PIK3CG: variants seen among roughly 807,000 people sequenced by gnomAD.
The protein encoded by PIK3CG is phosphatidylinositol 4,5-bisphosphate 3-kinase catalytic subunit gamma isoform.
In PIK3CG, 55 loss-of-function variants were observed where a neutral mutation model predicts 102.3. That is an observed-to-expected ratio of 0.54 (90% CI 0.43 to 0.67). The LOEUF (loss-of-function observed/expected upper bound fraction) is 0.67, where lower values mean the gene tolerates loss of function less well. Among genes scored for constraint, PIK3CG ranks in the 30% least tolerant of loss-of-function variants. The probability of loss-of-function intolerance (pLI) is 0.00; values close to 1 mark genes in which losing one functional copy is unlikely to be tolerated. For synonymous variants in PIK3CG, 552 were observed against 540.0 expected (o/e 1.02, Z -0.31); for missense variants, 1,258 against 1,391.8 (o/e 0.90, Z 1.53).
Position 106,877,813 on chromosome 7 carries a change from A to G in PIK3CG, c.2392-1706A>G, listed in dbSNP as rs915681275. On this transcript the variant is annotated intron_variant, in intron 5 of 10. Transcript: ENST00000496166. The surrounding 1 kb of genome is among the most constrained non-coding windows in gnomAD (Gnocchi z 4.5). ...CAAAGCACTTCATATACGTGTGCTTATACAGGCAACAGTATACTTCCATTA... is the reference window on the plus strand; with the variant it reads ...CAAAGCACTTCATATACGTGTGCTTGTACAGGCAACAGTATACTTCCATTA... Among the ~76,000 whole-genome samples, 7 of 152,228 alleles carry G rather than the reference A, an allele frequency of 4.6e-5. No homozygotes were observed. The highest frequency in any genetic ancestry group is 1.7e-4 in the African/African-American group (7 of 41,442).
intron 10 of PIK3CG, among the ~76,000 whole-genome samples, chr7:106,898,641 T>C (rs1309985164): frequency 6.6e-6 from 1 of 152,216 alleles, no homozygotes; most frequent in East Asian, 1.9e-4. Flanking sequence ...AGGGAGTCTT[T>C]TCCTTGTTGC....
rs902522717 is a variant in PIK3CG, at chr7:106,892,947, G to C, written c.3030+6655G>C. 6.6e-6 allele frequency among the ~76,000 whole-genome samples: 1 copy of C among 152,190 alleles called. No homozygotes were observed. Among genetic ancestry groups the C allele is most frequent in the Non-Finnish European group, 1.5e-5 (1 of 68,024 alleles). ...GAAGTATATTTACCTGGTATGGATAGAAAGTGGTATTTCTGGAAGTGTGTA... is the reference window on the plus strand; with the variant it reads ...GAAGTATATTTACCTGGTATGGATACAAAGTGGTATTTCTGGAAGTGTGTA... On this transcript the variant is annotated intron_variant, in intron 10 of 10. Coordinates refer to ENST00000496166, the MANE Select transcript of PIK3CG (RefSeq NM_001282426.2). This position sits in a 1 kb window ranked among gnomAD's most constrained non-coding sequence, Gnocchi z 5.2.
In PIK3CG at chr7:106,880,669, T is replaced by G. The variant is rs1309836215; in HGVS notation, c.2538+1004T>G. ...GTTTGCCTTTGCCCTTTATGTACTT[T>G]GTGGTTTTGTTTTTTTTTAATTTTT... On this transcript the variant is annotated intron_variant, in intron 6 of 10. Coordinates refer to ENST00000496166, the MANE Select transcript of PIK3CG (RefSeq NM_001282426.2). This position sits in a 1 kb window ranked among gnomAD's most constrained non-coding sequence, Gnocchi z 4.2. 1.3e-5 allele frequency among the ~76,000 whole-genome samples: 2 copies of G among 152,138 alleles called. No individual in the cohort carries two copies. Among genetic ancestry groups the G allele is most frequent in the African/African-American group, 2.4e-5 (1 of 41,436 alleles).
chr7:106,878,996 T>C (rs1407349417), intron 5 of PIK3CG, among the ~76,000 whole-genome samples: 2 of 152,316 alleles, frequency 1.3e-5, no homozygotes, highest in Non-Finnish European at 2.9e-5. Context: ...TTTAGATGTA[T>C]GAGGTTTAGG....
rs982728446 is a variant in PIK3CG, at chr7:106,895,465, G to T, written c.3030+9173G>T. ...CTGGGACTGAGCGGGCAGGGCAGGT[G>T]CTCGGCTGTGCCCCCCAGGGTGAGA... On this transcript the variant is annotated intron_variant, in intron 10 of 10. Coordinates refer to ENST00000496166, the MANE Select transcript of PIK3CG (RefSeq NM_001282426.2). The surrounding 1 kb of genome is among the most constrained non-coding windows in gnomAD (Gnocchi z 5.4). 2.6e-5 allele frequency among the ~76,000 whole-genome samples: 4 copies of T among 152,216 alleles called. No homozygotes were observed. Among genetic ancestry groups the T allele is most frequent in the African/African-American group, 9.6e-5 (4 of 41,464 alleles).
At chr7:106,889,291 C>T (rs1309617571) in intron 10 of PIK3CG, among the ~76,000 whole-genome samples, 1 of 152,196 alleles carries the variant, frequency 6.6e-6, no homozygotes, top group Non-Finnish European at 1.5e-5. Context: ...CCAAAGTTTA[C>T]AGCATGACAA....
At chr7:106,885,972 C>T (rs1419281544) in intron 9 of PIK3CG, among the ~76,000 whole-genome samples, 163 bp from the exon 10 acceptor site, 12 of 152,116 alleles carry the variant, frequency 7.9e-5, no homozygotes, top group Non-Finnish European at 2.9e-5. Flanking sequence ...TTTGTGGCTA[C>T]GACTTTCACA....
At position 106,867,169 on chromosome 7, in the gene PIK3CG, C is replaced by T. The variant is rs1790314977; in HGVS notation, c.-12-381C>T. 6.6e-6 allele frequency among the ~76,000 whole-genome samples: 1 copy of T among 152,136 alleles called. No individual in the cohort carries two copies. Among genetic ancestry groups the T allele is most frequent in the East Asian group, 1.9e-4 (1 of 5,194 alleles). ...CTGTGCTGGATGAGTGTTTTACCTA[C>T]CTCTTTAAAATTTTCAAAGTATACA... is the stretch of plus-strand genomic sequence containing the variant. On this transcript the variant is annotated intron_variant, in intron 1 of 10. Transcript: ENST00000496166. This position sits in a 1 kb window ranked among gnomAD's most constrained non-coding sequence, Gnocchi z 5.1.
rs1790532215 is a variant in PIK3CG at position 106,871,635 on chromosome 7, CTAACTT to C, written c.1996-899_1996-894del. 6.0e-5 allele frequency among the ~76,000 whole-genome samples: 9 copies of C among 149,198 alleles called. No individual in the cohort carries two copies. The South Asian group carries it at 2.0e-3, about 32-fold the overall frequency. ...CATGTTTACATATAACATCTATCCT[CTAACTT>C]TATATATGCTTTTATAATAATCTGA... is the stretch of plus-strand genomic sequence containing the variant. On this transcript the variant is annotated intron_variant, in intron 2 of 10. Transcript: ENST00000496166.
chr7:106,876,458 C>T (rs1467299127), intron 5 of PIK3CG, among the ~76,000 whole-genome samples: 2 of 150,090 alleles, frequency 1.3e-5, no homozygotes, highest in African/African-American at 4.9e-5. Flanking sequence ...GAGGCACGAT[C>T]TCGGCTCACT....
At chr7:106,882,936 AAC>A in intron 7 of PIK3CG, 95 bp from the exon 8 acceptor site, 3 of 970,858 alleles carry the variant, frequency 3.1e-6, no homozygotes, top group South Asian at 2.0e-5. Flanking sequence ...AAAAAAAAAA[AAC>A]CCTCTGCCCT....
In PIK3CG at chr7:106,867,716, A is replaced by G. The variant is rs559302651; in HGVS notation, c.155A>G (p.Lys52Arg). 21 of 1,613,170 alleles carry G rather than the reference A, an allele frequency of 1.3e-5. No homozygotes were observed. The South Asian group carries it at 2.3e-4, about 18-fold the overall frequency. Residue 52 changes from lysine to arginine, a missense_variant, in exon 2 of 11, where the codon AAG (lysine) becomes AGG (arginine). Coordinates refer to ENST00000496166, the MANE Select transcript of PIK3CG (RefSeq NM_001282426.2). This position sits in a 1 kb window ranked among gnomAD's most constrained non-coding sequence, Gnocchi z 5.1. The part of the protein sequence containing the change: ...FVLPTSQRKC[K>R]SPETALLHVA... ...CTGCCCACCAGCCAGCGCAAATGCA[A>G]GAGCCCCGAAACGGCGCTGCTGCAC...
Position 106,897,750 on chromosome 7 carries a change from A to G in PIK3CG, c.3031-7359A>G, listed in dbSNP as rs923885632. On this transcript the variant is annotated intron_variant, in intron 10 of 10. Coordinates refer to ENST00000496166, the MANE Select transcript of PIK3CG (RefSeq NM_001282426.2). The surrounding 1 kb of genome is among the most constrained non-coding windows in gnomAD (Gnocchi z 4.6). ...GGCTGCATAGTATTCCATGGTGTATATGTACCACATTTTCTTTAATCAGCC... is the reference window on the plus strand; with the variant it reads ...GGCTGCATAGTATTCCATGGTGTATGTGTACCACATTTTCTTTAATCAGCC... Among the ~76,000 whole-genome samples, 1 of 152,190 alleles carries G rather than the reference A, an allele frequency of 6.6e-6. No individual in the cohort carries two copies. The highest frequency in any genetic ancestry group is 2.4e-5 in the African/African-American group (1 of 41,450).
intron 10 of PIK3CG, among the ~76,000 whole-genome samples, chr7:106,904,434 T>G (rs1791638207): frequency 6.6e-6 from 1 of 152,232 alleles, no homozygotes; most frequent in Non-Finnish European, 1.5e-5. Context: ...TGGAACAATT[T>G]AAATGGCATA....
chr7:106,886,587 G>C (rs1454703973), intron 10 of PIK3CG, among the ~76,000 whole-genome samples: 9 of 152,280 alleles, frequency 5.9e-5, no homozygotes, highest in Middle Eastern at 3.4e-3. Context: ...ACTAAAGAGG[G>C]CTTTCAGGAA....
At chr7:106,873,056 A>G (rs1790594197) in intron 4 of PIK3CG, 118 bp downstream of exon 4, 3 of 718,374 alleles carry the variant, frequency 4.2e-6, no homozygotes, top group Non-Finnish European at 7.0e-6. Flanking sequence ...AGGCACCAAG[A>G]ACACATTTTT....
At position 106,887,860 on chromosome 7, in the gene PIK3CG, C is replaced by A. The variant is rs139228337; in HGVS notation, c.3030+1568C>A. ...CATCTGTTTGTCTGTTTGCTTCGGACAAACAGAGCAGCAATGAACTGCAAC... is the reference window on the plus strand; with the variant it reads ...CATCTGTTTGTCTGTTTGCTTCGGAAAAACAGAGCAGCAATGAACTGCAAC... On this transcript the variant is annotated intron_variant, in intron 10 of 10. Transcript: ENST00000496166. 6.3e-4 allele frequency among the ~76,000 whole-genome samples: 93 copies of A among 147,326 alleles called. 1 individual carries two copies. In the East Asian group the frequency reaches 0.014, roughly 22 times the overall value.
Position 106,883,220 on chromosome 7 carries a change from C to T in PIK3CG, c.2760+57C>T, listed in dbSNP as rs1270146254. On this transcript the variant is annotated intron_variant, in intron 8 of 10. Transcript: ENST00000496166. The surrounding 1 kb of genome is among the most constrained non-coding windows in gnomAD (Gnocchi z 5.8). ...TCCTTACAAGTTGTCATTTATATAG[C>T]AGTAGTGGCTTCAAGTTTTCAGAGA... The T allele has an allele frequency of 1.9e-6, 3 of 1,572,966 alleles. No homozygotes were observed. The highest frequency in any genetic ancestry group is 2.6e-6 in the Non-Finnish European group (3 of 1,146,592).
At position 106,872,460 on chromosome 7, in the gene PIK3CG, GTTC is replaced by G. The variant is rs927376566; in HGVS notation, c.1996-72_1996-70del. ...GAAGACCCAGTAAAGCAGAGCACCA[GTTC>G]TTCTCCATTTCCTTTTCCCTGATTC... On this transcript the variant is annotated intron_variant, in intron 2 of 10. Coordinates refer to ENST00000496166, the MANE Select transcript of PIK3CG (RefSeq NM_001282426.2). The surrounding 1 kb of genome is among the most constrained non-coding windows in gnomAD (Gnocchi z 5.3). The G allele has an allele frequency of 2.7e-5, 31 of 1,135,648 alleles. 1 individual carries two copies. Among genetic ancestry groups the G allele is most frequent in the South Asian group, 2.3e-4 (18 of 78,770 alleles). The allele number at this position is 1,135,648 out of a possible 1,614,324, so 70.3% of individuals were successfully genotyped here. A position where few individuals can be genotyped will look rare whatever the true frequency, so the allele number is the denominator to read the frequency against.
Sources: gnomAD v4.1 joint callset for allele counts (sites outside exome capture counted in the v4.1 genomes callset) on GRCh38, gnomAD v4.1.1 for gene constraint, Gnocchi (gnomAD v3.1) non-coding constraint, MANE v1.5 for transcripts, NCBI Gene and HGNC (gene_info 2026-07-23, HGNC 2026-07-21) for gene names.